POLQ: variants seen among roughly 807,000 people sequenced by gnomAD.
POLQ encodes DNA polymerase theta.
A neutral mutation model predicts 259.2 loss-of-function variants in POLQ; 233 were observed. That is an observed-to-expected ratio of 0.90 (90% CI 0.81 to 1.00). The LOEUF (loss-of-function observed/expected upper bound fraction) is 1.00, where lower values mean the gene tolerates loss of function less well. Ranked by LOEUF, POLQ falls within the 50% of genes least tolerant of loss-of-function variation. The pLI, the probability that POLQ is intolerant of heterozygous loss-of-function variation, is 0.00. For synonymous variants in POLQ, 1,025 were observed against 1,048.8 expected, an observed-to-expected ratio of 0.98 and a Z score of 0.44; for missense variants, 2,871 against 3,051.6, an observed-to-expected ratio of 0.94 and a Z score of 1.39.
Position 121,509,617 on chromosome 3 carries a change from G to A in POLQ, c.1903C>T (p.Leu635=). 4 of 1,613,734 alleles carry A rather than the reference G, an allele frequency of 2.5e-6. No individual in the cohort carries two copies. Among genetic ancestry groups the A allele is most frequent in the Non-Finnish European group, 3.4e-6 (4 of 1,179,678 alleles). Residue 635 remains leucine (L), a synonymous_variant, in exon 12 of 30, where the codon CTG becomes TTG. Transcript: ENST00000264233. ...PADTLDIFAD[L]QRAMKGFVLE... ...ACAAAGCCCTTCATTGCTCTTTGCA[G>A]GTCAGCAAAAATATCTAAAGTATCA... is the stretch of plus-strand genomic sequence containing the variant.
chr3:121,517,841 A>C (rs1000503711), intron 9 of POLQ, among the ~76,000 whole-genome samples: 3 of 152,254 alleles, frequency 2.0e-5, no homozygotes, highest in Non-Finnish European at 4.4e-5. Flanking sequence ...TTACAATTAC[A>C]TCATATAAGG....
chr3:121,509,957 AC>A, intron 11 of POLQ, 81 bp downstream of exon 11: 1 of 1,137,694 alleles, frequency 8.8e-7, no homozygotes, highest in South Asian at 1.4e-5. Context: ...ACATGAAAAG[AC>A]AATTTCCATT....
chr3:121,473,727 C>CT (rs10636473), intron 20 of POLQ, among the ~76,000 whole-genome samples: 32,346 of 114,136 alleles, frequency 0.28, 5,639 homozygotes, highest in Middle Eastern at 0.37. Context: ...AACACAAGGC[C>CT]TTTTTTTTTT....
At chr3:121,443,628 T>C (rs1270667722) in intron 26 of POLQ, among the ~76,000 whole-genome samples, 1 of 152,334 alleles carries the variant, frequency 6.6e-6, no homozygotes, top group Admixed American at 6.5e-5. Context: ...CTATTTTTGC[T>C]GTGGTTGCCT....
At chr3:121,466,283 GAAA>G (rs769191331) in intron 24 of POLQ, among the ~76,000 whole-genome samples, 1 of 78,278 alleles carries the variant, frequency 1.3e-5, no homozygotes, top group Non-Finnish European at 2.5e-5. Flanking sequence ...AAGCTGCAAG[GAAA>G]AAAAAAAAAA....
In POLQ at chr3:121,487,542, T is replaced by C; in HGVS notation, c.5389A>G (p.Ser1797Gly). 1.2e-6 allele frequency: 2 copies of C among 1,614,084 alleles called. No individual in the cohort carries two copies. The highest frequency in any genetic ancestry group is 1.7e-4 in the Middle Eastern group (1 of 6,058). The change falls in exon 16 of 30, where the codon AGC (serine) becomes GGC (glycine). Residue 1797 changes from serine to glycine, a missense_variant. Coordinates refer to ENST00000264233, the MANE Select transcript of POLQ (RefSeq NM_199420.4). ...GAAAAGCTTGTGTCACTAATAGGGC[T>C]GTTGTCTTTGAACCCATTTCTACTC... ...PGSRNGFKDN[S>G]PISDTSFSLQ...
intron 27 of POLQ, among the ~76,000 whole-genome samples, chr3:121,437,516 G>A (rs1301827638): frequency 6.6e-6 from 1 of 152,172 alleles, no homozygotes; most frequent in Non-Finnish European, 1.5e-5. Context: ...ATACCCACCA[G>A]AATAGCTAAA....
chr3:121,493,602 A>T lies in POLQ; in HGVS notation c.2398T>A (p.Ser800Thr), dbSNP rs1037625458. The change falls in exon 15 of 30, where the codon TCC (serine) becomes ACC (threonine). Residue 800 changes from serine (S) to threonine (T), a missense_variant. By Grantham distance (58) the Ser-to-Thr change is moderately conservative. Coordinates refer to ENST00000264233, the MANE Select transcript of POLQ (RefSeq NM_199420.4). ...QRELCDLVRVSLLNAQRARVL... is the reference protein window; with the variant it reads ...QRELCDLVRVTLLNAQRARVL... ...CTGGCTCTCTGAGCATTTAGTAAGG[A>T]TACCCGAACCAGGTCACACAGCTCC... The T allele has an allele frequency of 6.2e-7, 1 of 1,614,168 alleles. No individual in the cohort carries two copies. Among genetic ancestry groups the T allele is most frequent in the African/African-American group, 1.3e-5 (1 of 75,042 alleles).
chr3:121,520,041 C>T lies in POLQ; in HGVS notation c.1298G>A (p.Arg433His), dbSNP rs1251692895. The change falls in exon 9 of 30, where the codon CGT becomes CAT. Residue 433 changes from arginine (R) to histidine (H), a missense_variant. Physicochemically the swap from Arg to His is conservative, Grantham distance 29. Coordinates refer to ENST00000264233, the MANE Select transcript of POLQ (RefSeq NM_199420.4). ...CGCCAAGACCCGAATGAGACCTTGACGAAAGGCTCCTTCAATGATATCCCT... is the reference window on the plus strand; with the variant it reads ...CGCCAAGACCCGAATGAGACCTTGATGAAAGGCTCCTTCAATGATATCCCT... ...EERDIIEGAF[R>H]QGLIRVLAAT... The T allele has an allele frequency of 2.5e-6, 4 of 1,613,458 alleles. No homozygotes were observed. The highest frequency in any genetic ancestry group is 3.4e-6 in the Non-Finnish European group (4 of 1,179,492).
At chr3:121,521,884 A>T in intron 8 of POLQ, 119 bp downstream of exon 8, 1 of 739,784 alleles carries the variant, frequency 1.4e-6, no homozygotes, top group Non-Finnish European at 2.0e-6. Context: ...ACAATTTCTT[A>T]AAAAGAAATC....
At position 121,489,604 on chromosome 3, in the gene POLQ, A is replaced by T. The variant is rs1333978055; in HGVS notation, c.3327T>A (p.Asp1109Glu). 1 of 1,613,506 alleles carries T rather than the reference A, an allele frequency of 6.2e-7. No individual in the cohort carries two copies. Among genetic ancestry groups the T allele is most frequent in the Admixed American group, 1.7e-5 (1 of 59,912 alleles). ...KNVSLSGKEK[D>E]NKTSFPLQIK... ...TTTGTAATGGGAATGATGTTTTATT[A>T]TCTTTTTCCTTACCACTCAAAGATA... The change falls in exon 16 of 30, where the codon GAT becomes GAA. Residue 1109 changes from aspartate (D) to glutamate (E), a missense_variant. Transcript: ENST00000264233.
chr3:121,530,817 C>T (rs1032349430), intron 6 of POLQ, among the ~76,000 whole-genome samples: 33 of 152,134 alleles, frequency 2.2e-4, no homozygotes, highest in African/African-American at 8.0e-4. Flanking sequence ...GGGGATGGAG[C>T]TGCGAACAAA....
chr3:121,458,908 C>T (rs1416684424), intron 25 of POLQ, among the ~76,000 whole-genome samples: 3 of 152,172 alleles, frequency 2.0e-5, no homozygotes, highest in Admixed American at 2.0e-4. Flanking sequence ...ACAAAAACTA[C>T]AACTGTGAGG....
rs1421139620 is a variant in POLQ, at chr3:121,489,299, T to C, written c.3632A>G (p.Lys1211Arg). The change falls in exon 16 of 30, where the codon AAA becomes AGA. Residue 1211 changes from lysine to arginine, a missense_variant. Around this residue, in one of 3 missense-constraint regions of POLQ, gnomAD observed 2,080 missense variants for 2,126.0 expected, o/e 0.98. Transcript: ENST00000264233. Reference protein sequence around the residue: ...HEQTSTITKQKNIIERQMPCE... With the variant: ...HEQTSTITKQRNIIERQMPCE... ...GGGCATTTGTCTCTCTATTATATTTTTCTGTTTGGTAATAGTGCTTGTCTG... is the reference window on the plus strand; with the variant it reads ...GGGCATTTGTCTCTCTATTATATTTCTCTGTTTGGTAATAGTGCTTGTCTG... 2 of 1,613,868 alleles carry C rather than the reference T, an allele frequency of 1.2e-6. No individual in the cohort carries two copies. Among genetic ancestry groups the C allele is most frequent in the Non-Finnish European group, 1.7e-6 (2 of 1,179,886 alleles).
intron 26 of POLQ, among the ~76,000 whole-genome samples, chr3:121,440,508 A>T (rs191499278): frequency 3.9e-4 from 60 of 152,034 alleles, no homozygotes; most frequent in African/African-American, 1.4e-3. Flanking sequence ...GATAATTTTT[A>T]TATTTTTTGT....
chr3:121,519,956 G>A lies in POLQ; in HGVS notation c.1383C>T (p.Thr461=). 6.2e-7 allele frequency: 1 copy of A among 1,611,734 alleles called. No homozygotes were observed. Among genetic ancestry groups the A allele is most frequent in the Non-Finnish European group, 8.5e-7 (1 of 1,178,078 alleles). ...NLPARRVIIR[T]PIFGGRPLDI... Reference sequence around the variant, plus strand: ...CTAGAGGTCGACCACCAAAAATAGGGGTTCGAATAATCACACGACGTGCAG... The same window carrying A: ...CTAGAGGTCGACCACCAAAAATAGGAGTTCGAATAATCACACGACGTGCAG... The change falls in exon 9 of 30, where the codon ACC becomes ACT. Residue 461 remains threonine, a synonymous_variant. Coordinates refer to ENST00000264233, the MANE Select transcript of POLQ (RefSeq NM_199420.4).
chr3:121,459,398 T>TTTC (rs2047772633), intron 25 of POLQ, among the ~76,000 whole-genome samples: 1 of 148,356 alleles, frequency 6.7e-6, no homozygotes. Flanking sequence ...TTTTTGTTTT[T>TTTC]CGAGATGGAG....
chr3:121,529,780 G>T lies in POLQ; in HGVS notation c.973C>A (p.His325Asn). Residue 325 changes from histidine (H) to asparagine (N), a missense_variant, in exon 7 of 30, where the codon CAT becomes AAT. Physicochemically the swap from His to Asn is moderately conservative, Grantham distance 68 (BLOSUM62 1). Coordinates refer to ENST00000264233, the MANE Select transcript of POLQ (RefSeq NM_199420.4). ...PMLQVKGDEDHVVSLCYETIC... is the reference protein window; with the variant it reads ...PMLQVKGDEDNVVSLCYETIC... ...GTCTCATAACATAAACTAACAACATGGTCCTCATCTCCCTAAAACAGAAAG... is the reference window on the plus strand; with the variant it reads ...GTCTCATAACATAAACTAACAACATTGTCCTCATCTCCCTAAAACAGAAAG... 3 of 1,608,860 alleles carry T rather than the reference G, an allele frequency of 1.9e-6. No individual in the cohort carries two copies. The highest frequency in any genetic ancestry group is 2.5e-6 in the Non-Finnish European group (3 of 1,177,622).
chr3:121,468,220 T>C, intron 23 of POLQ, 85 bp downstream of exon 23: 1 of 1,125,596 alleles, frequency 8.9e-7, no homozygotes. Context: ...ATTAAATTAA[T>C]TTCATTTATT....
Sources: allele counts gnomAD v4.1 joint callset (sites outside exome capture counted in the v4.1 genomes callset), GRCh38; gene constraint gnomAD v4.1.1; regional missense constraint gnomAD v4.1.1; transcripts MANE v1.5; gene names NCBI Gene and HGNC (gene_info 2026-07-23, HGNC 2026-07-21).